NCK2: variants seen among roughly 807,000 people sequenced by gnomAD.
NCK2 encodes NCK adaptor protein 2.
Under a neutral mutation model 33.9 loss-of-function variants are expected in NCK2, and 16 were observed. The observed-to-expected ratio is 0.47, with a 90% confidence interval of 0.32 to 0.72. The LOEUF is 0.72. Among genes scored for constraint, NCK2 ranks in the 30% least tolerant of loss-of-function variants. The pLI is 0.03. For missense variants in NCK2, 418 were observed against 537.3 expected (o/e 0.78, Z 2.19); for synonymous variants, 273 against 239.9 (o/e 1.14, Z -1.27).
At chr2:105,849,549 A>G (rs1056920857) in intron 2 of NCK2, among the ~76,000 whole-genome samples, 4 of 152,178 alleles carry the variant, frequency 2.6e-5, no homozygotes, top group Admixed American at 2.6e-4. Flanking sequence ...TGAAGCCTAA[A>G]CACCCATTGT....
intron 1 of NCK2, among the ~76,000 whole-genome samples, chr2:105,771,494 G>A (rs1690135361): frequency 6.6e-6 from 1 of 152,078 alleles, no homozygotes; most frequent in Non-Finnish European, 1.5e-5. Flanking sequence ...TGACCCGAGA[G>A]GTGAATGTTG....
intron 1 of NCK2, among the ~76,000 whole-genome samples, chr2:105,766,175 A>G (rs11676893): frequency 0.34 from 51,168 of 151,980 alleles, 9,741 homozygotes; most frequent in East Asian, 0.46. Context: ...AGTGGGGCCT[A>G]GGAAGCACAT....
At chr2:105,772,646 T>G (rs960521540) in intron 1 of NCK2, among the ~76,000 whole-genome samples, 1 of 152,098 alleles carries the variant, frequency 6.6e-6, no homozygotes, top group Non-Finnish European at 1.5e-5. Flanking sequence ...TGGGAATAAG[T>G]CAATGACAAA....
intron 2 of NCK2, among the ~76,000 whole-genome samples, chr2:105,838,913 T>C (rs1558863685): frequency 6.6e-6 from 1 of 152,022 alleles, no homozygotes; most frequent in Non-Finnish European, 1.5e-5. Context: ...ATAAATAAAT[T>C]AAAATGTGTG....
chr2:105,798,900 T>A (rs1384481182), intron 1 of NCK2, among the ~76,000 whole-genome samples: 1 of 152,250 alleles, frequency 6.6e-6, no homozygotes, highest in Non-Finnish European at 1.5e-5. Flanking sequence ...CAGGAAGTTA[T>A]ACCAGGTTGT....
chr2:105,791,419 A>G (rs1362573374), intron 1 of NCK2, among the ~76,000 whole-genome samples: 2 of 152,182 alleles, frequency 1.3e-5, no homozygotes, highest in East Asian at 1.9e-4. Context: ...GGGAGGATAT[A>G]CGGTGTAAAG....
intron 2 of NCK2, among the ~76,000 whole-genome samples, chr2:105,838,114 G>A (rs77396012): frequency 3.9e-5 from 5 of 127,712 alleles, no homozygotes; most frequent in African/African-American, 1.4e-4. Context: ...TTTTTTTTTT[G>A]TACCAGCAAT....
chr2:105,781,829 C>G (rs1690507391), intron 1 of NCK2, among the ~76,000 whole-genome samples: 1 of 152,204 alleles, frequency 6.6e-6, no homozygotes, highest in South Asian at 2.1e-4. Flanking sequence ...GTGATAAGGA[C>G]TCTGGCCACG....
intron 3 of NCK2, among the ~76,000 whole-genome samples, chr2:105,858,992 G>C (rs1334558150): frequency 1.3e-5 from 2 of 152,210 alleles, no homozygotes; most frequent in Non-Finnish European, 2.9e-5. Flanking sequence ...GAATCCAGTT[G>C]ATGTTTTTGA....
chr2:105,814,326 A>G (rs1050926623), intron 1 of NCK2, among the ~76,000 whole-genome samples: 5 of 152,234 alleles, frequency 3.3e-5, no homozygotes, highest in Non-Finnish European at 5.9e-5. Flanking sequence ...TGCAACCTTC[A>G]CGTTTTACAC....
At chr2:105,816,106 G>T (rs1205192947) in intron 1 of NCK2, among the ~76,000 whole-genome samples, 1 of 152,152 alleles carries the variant, frequency 6.6e-6, no homozygotes, top group East Asian at 1.9e-4. Context: ...TTTAGGCACA[G>T]AGCAGCTTTA....
chr2:105,848,644 T>C (rs1676940286), intron 2 of NCK2: 1 of 152,152 alleles, frequency 6.6e-6, no homozygotes, highest in Admixed American at 6.5e-5. Flanking sequence ...ACTGAGTTAG[T>C]GGATGTGTGC....
chr2:105,800,705 A>G (rs982970964), intron 1 of NCK2, among the ~76,000 whole-genome samples: 20 of 152,322 alleles, frequency 1.3e-4, no homozygotes, highest in Admixed American at 1.3e-3. Context: ...TGATGGGACC[A>G]GTTGCAGGAG....
At chr2:105,775,955 T>C (rs1018969739) in intron 1 of NCK2, among the ~76,000 whole-genome samples, 1 of 152,154 alleles carries the variant, frequency 6.6e-6, no homozygotes, top group African/African-American at 2.4e-5. Context: ...AAAAAAACAG[T>C]GCGAGGGATA....
chr2:105,775,330 C>T (rs932411292), intron 1 of NCK2, among the ~76,000 whole-genome samples: 7 of 152,194 alleles, frequency 4.6e-5, no homozygotes, highest in Non-Finnish European at 7.3e-5. Flanking sequence ...CACTGGACAT[C>T]AGTAGTTAAC....
intron 2 of NCK2, among the ~76,000 whole-genome samples, chr2:105,832,813 C>T (rs1338887381): frequency 6.7e-6 from 1 of 150,012 alleles, no homozygotes; most frequent in African/African-American, 2.5e-5. Context: ...ATAATACTGG[C>T]CTCTTAGAGT....
intron 2 of NCK2, among the ~76,000 whole-genome samples, chr2:105,830,676 T>G (rs1355126793): frequency 1.7e-5 from 2 of 115,724 alleles, no homozygotes; most frequent in East Asian, 2.8e-4. Flanking sequence ...ATTTGGTGTG[T>G]GTGTGTGTGT....
At chr2:105,848,646 G>C (rs1369208948) in intron 2 of NCK2, 2 of 152,114 alleles carry the variant, frequency 1.3e-5, no homozygotes, top group African/African-American at 4.8e-5. Flanking sequence ...TGAGTTAGTG[G>C]ATGTGTGCTT....
At position 105,805,160 on chromosome 2, in the gene NCK2, G is replaced by A. The variant is rs147418165; in HGVS notation, c.-200-11270G>A. On this transcript the variant is annotated intron_variant, in intron 1 of 4. Transcript: ENST00000233154. ...AGTGCTTTTTATGGGCACGGAGGCC[G>A]GTCTCCTAGAAGAGAGCACGTTTGA... 2.0e-3 allele frequency among the ~76,000 whole-genome samples: 301 copies of A among 152,266 alleles called. 3 individuals carry two copies. The highest frequency in any genetic ancestry group is 6.7e-3 in the African/African-American group (280 of 41,546).
Sources: gnomAD v4.1 joint callset for allele counts (sites outside exome capture counted in the v4.1 genomes callset) on GRCh38, gnomAD v4.1.1 for gene constraint, MANE v1.5 for transcripts, NCBI Gene and HGNC (gene_info 2026-07-23, HGNC 2026-07-21) for gene names.